The following OLFM3 variants were observed in gnomAD, a reference collection of about 807,000 sequenced individuals.
The protein encoded by OLFM3 is noelin-3.
A neutral mutation model predicts 48.6 loss-of-function variants in OLFM3; 20 were observed. The ratio of observed to expected loss-of-function variants is 0.41; its 90% CI spans 0.29 to 0.60. OLFM3 has a LOEUF of 0.60. Among genes scored for constraint, OLFM3 ranks in the 20% least tolerant of loss-of-function variants. OLFM3 has a pLI of 0.28. For synonymous variants in OLFM3, 222 were observed against 198.1 expected, an observed-to-expected ratio of 1.12 and a Z score of -1.01; for missense variants, 437 against 544.3, an observed-to-expected ratio of 0.80 and a Z score of 1.96.
At chr1:101,917,350 T>C (rs1039248596) in intron 1 of OLFM3, among the ~76,000 whole-genome samples, 2 of 152,174 alleles carry the variant, frequency 1.3e-5, no homozygotes, top group Non-Finnish European at 2.9e-5. Context: ...AATAGACAAA[T>C]TGTTGTTAGT....
At chr1:101,878,146 A>G (rs751375484) in intron 1 of OLFM3, among the ~76,000 whole-genome samples, 4 of 151,888 alleles carry the variant, frequency 2.6e-5, no homozygotes, top group African/African-American at 4.8e-5. Context: ...AAATCTTTGG[A>G]GAGACCCAAA....
intron 1 of OLFM3, among the ~76,000 whole-genome samples, chr1:101,876,263 A>G (rs12035099): frequency 0.27 from 41,316 of 151,750 alleles, 5,818 homozygotes; most frequent in East Asian, 0.34. Context: ...CTTAGAGTGC[A>G]AACCATACTA....
At chr1:101,904,242 T>C (rs140298832) in intron 1 of OLFM3, among the ~76,000 whole-genome samples, 17 of 152,206 alleles carry the variant, frequency 1.1e-4, no homozygotes, top group Admixed American at 3.9e-4. Context: ...AAAGAAAATG[T>C]TCTTGAATGA....
At position 101,864,248 on chromosome 1, in the gene OLFM3, G is replaced by A. The variant is rs568269108; in HGVS notation, c.70-27223C>T. ...TTTTATACAAAAAATAACAAGCAAA[G>A]TGTATGATCATAGCTGAAAGCAGCA... On this transcript the variant is annotated intron_variant, in intron 1 of 5. Coordinates refer to ENST00000370103, the MANE Select transcript of OLFM3 (RefSeq NM_058170.4). 1.0e-3 allele frequency among the ~76,000 whole-genome samples: 159 copies of A among 151,908 alleles called. 1 individual carries two copies. The highest frequency in any genetic ancestry group is 2.0e-3 in the Non-Finnish European group (134 of 67,976).
At chr1:101,820,515 C>T (rs752442580) in intron 4 of OLFM3, among the ~76,000 whole-genome samples, 33 of 152,078 alleles carry the variant, frequency 2.2e-4, no homozygotes, top group Non-Finnish European at 4.4e-4. Flanking sequence ...TTCCATCTTT[C>T]ATTGGAGTAC....
chr1:101,932,279 C>A (rs965576299), intron 1 of OLFM3, among the ~76,000 whole-genome samples: 2 of 151,922 alleles, frequency 1.3e-5, no homozygotes, highest in Non-Finnish European at 2.9e-5. Flanking sequence ...ATAGTGAGAC[C>A]CAGGAGTAAG....
intron 1 of OLFM3, among the ~76,000 whole-genome samples, chr1:101,869,452 C>T (rs371034720): frequency 5.6e-4 from 85 of 152,170 alleles, no homozygotes; most frequent in South Asian, 2.7e-3. Context: ...TAGGAAGTAA[C>T]TAATATGCTT....
chr1:101,930,196 C>G (rs1217617074), intron 1 of OLFM3, among the ~76,000 whole-genome samples: 1 of 152,132 alleles, frequency 6.6e-6, no homozygotes, highest in Non-Finnish European at 1.5e-5. Flanking sequence ...ATTTATTAAA[C>G]TAGGCATTAT....
intron 1 of OLFM3, among the ~76,000 whole-genome samples, chr1:101,886,274 A>C (rs926433788): frequency 2.0e-5 from 3 of 152,062 alleles, no homozygotes; most frequent in African/African-American, 4.8e-5. Context: ...ATGGAAAAAA[A>C]AAATAATAGA....
At chr1:101,941,979 GA>G (rs1359901386) in intron 1 of OLFM3, among the ~76,000 whole-genome samples, 1 of 152,082 alleles carries the variant, frequency 6.6e-6, no homozygotes, top group African/African-American at 2.4e-5. Context: ...GCCTTTTCAA[GA>G]AAATGTTTTT....
intron 4 of OLFM3, among the ~76,000 whole-genome samples, chr1:101,819,282 C>A (rs1654487769): frequency 6.6e-6 from 1 of 152,084 alleles, no homozygotes; most frequent in South Asian, 2.1e-4. Context: ...ATGATGAGAA[C>A]CTGAGAACTC....
intron 1 of OLFM3, among the ~76,000 whole-genome samples, chr1:101,864,284 A>C (rs1570574240): frequency 6.6e-6 from 1 of 152,176 alleles, no homozygotes; most frequent in Admixed American, 6.5e-5. Context: ...AGCTGCAGTT[A>C]CGTAGTCCTT....
chr1:101,990,989 TAAA>T (rs58481588), intron 1 of OLFM3, among the ~76,000 whole-genome samples: 2 of 8,900 alleles, frequency 2.2e-4, no homozygotes, highest in African/African-American at 5.3e-4. Context: ...TGTCAAAAAG[TAAA>T]AAAAAAAAAA....
intron 1 of OLFM3, among the ~76,000 whole-genome samples, chr1:101,850,330 A>AT (rs1349009939): frequency 3.9e-5 from 6 of 152,216 alleles, no homozygotes; most frequent in African/African-American, 1.4e-4. Flanking sequence ...TATTCATTAG[A>AT]TTTTTTATAG....
intron 1 of OLFM3, among the ~76,000 whole-genome samples, chr1:101,903,582 T>C (rs1390455905): frequency 6.6e-6 from 1 of 152,086 alleles, no homozygotes; most frequent in East Asian, 1.9e-4. Flanking sequence ...GGTTGTATGC[T>C]ATATAGTTTT....
intron 4 of OLFM3, among the ~76,000 whole-genome samples, chr1:101,820,412 G>GT (rs1029700110): frequency 1.3e-5 from 2 of 152,008 alleles, no homozygotes; most frequent in African/African-American, 4.8e-5. Flanking sequence ...CTTCAATCAT[G>GT]TTTTTTCAGT....
chr1:101,819,408 T>C (rs1416714697), intron 4 of OLFM3, among the ~76,000 whole-genome samples: 5 of 152,048 alleles, frequency 3.3e-5, no homozygotes, highest in South Asian at 2.1e-4. Context: ...AAGATTTGTA[T>C]TGGGGAAAGA....
In OLFM3 at chr1:101,899,766, A is replaced by G. The variant is rs144907939; in HGVS notation, c.70-62741T>C. The stretch of plus-strand genomic sequence containing the variant: ...CTGTTTGAACTTTCAATAAAAATGG[A>G]ATGAATAAATACATTTAAAAATTTA... On this transcript the variant is annotated intron_variant, in intron 1 of 5. Coordinates refer to ENST00000370103, the MANE Select transcript of OLFM3 (RefSeq NM_058170.4). Among the ~76,000 whole-genome samples the G allele has an allele frequency of 1.8e-3, 268 of 152,320 alleles. 1 individual carries two copies. The highest frequency in any genetic ancestry group is 6.3e-3 in the African/African-American group (262 of 41,584).
At chr1:101,948,655 A>G (rs11164350) in intron 1 of OLFM3, among the ~76,000 whole-genome samples, 1 of 151,938 alleles carries the variant, frequency 6.6e-6, no homozygotes, top group African/African-American at 2.4e-5. Flanking sequence ...ACTGAAACAC[A>G]TTTGTGAAAA....
Sources: gnomAD v4.1 joint callset for allele counts (sites outside exome capture counted in the v4.1 genomes callset) on GRCh38, gnomAD v4.1.1 for gene constraint, MANE v1.5 for transcripts, NCBI Gene and HGNC (gene_info 2026-07-23, HGNC 2026-07-21) for gene names.